The following PPP1R16B variants were observed in gnomAD, a reference collection of about 807,000 sequenced individuals.
PPP1R16B encodes the protein protein phosphatase 1 regulatory inhibitor subunit 16B.
In PPP1R16B, 14 loss-of-function variants were observed where a neutral mutation model predicts 61.7. The observed-to-expected ratio is 0.23, with a 90% CI of 0.15 to 0.35. The LOEUF (loss-of-function observed/expected upper bound fraction) is 0.35. Among genes scored for constraint, PPP1R16B ranks in the 10% least tolerant of loss-of-function variants. PPP1R16B has a pLI of 1.00. For synonymous variants in PPP1R16B, 266 were observed against 305.3 expected (o/e 0.87, Z 1.34); for missense variants, 547 against 752.5 (o/e 0.73, Z 3.19).
intron 4 of PPP1R16B, among the ~76,000 whole-genome samples, chr20:38,898,985 G>A (rs1468760626): frequency 1.3e-5 from 2 of 152,188 alleles, no homozygotes; most frequent in African/African-American, 2.4e-5. Flanking sequence ...AAAGCCAGGG[G>A]TTTTAAGTAC....
intron 2 of PPP1R16B, among the ~76,000 whole-genome samples, chr20:38,889,110 A>G (rs12624956): frequency 0.13 from 19,730 of 152,060 alleles, 1,434 homozygotes; most frequent in East Asian, 0.31. Flanking sequence ...CCTTCAAACC[A>G]CATGCTGGCC....
rs1056077327 is a variant in PPP1R16B at position 38,907,776 on chromosome 20, C to T, written c.899-30C>T. On this transcript the variant is annotated intron_variant, in intron 8 of 10. Coordinates refer to ENST00000299824, the MANE Select transcript of PPP1R16B (RefSeq NM_015568.4). This position sits in a 1 kb window ranked among gnomAD's most constrained non-coding sequence, Gnocchi z 4.5. Reference sequence around the variant, plus strand: ...CTTGCGCCACAGGTCCTGGCCCCGTCCCCCACAACAGACTCCTCTGCCCCT... The same window carrying T: ...CTTGCGCCACAGGTCCTGGCCCCGTTCCCCACAACAGACTCCTCTGCCCCT... The T allele has an allele frequency of 6.2e-7, 1 of 1,612,794 alleles. No individual in the cohort carries two copies. The highest frequency in any genetic ancestry group is 8.5e-7 in the Non-Finnish European group (1 of 1,179,454).
At chr20:38,813,673 C>T (rs2084715900) in intron 1 of PPP1R16B, among the ~76,000 whole-genome samples, 1 of 152,094 alleles carries the variant, frequency 6.6e-6, no homozygotes, top group African/African-American at 2.4e-5. Flanking sequence ...TAATATTCAT[C>T]ATAATCACTT....
intron 2 of PPP1R16B, among the ~76,000 whole-genome samples, chr20:38,867,381 G>A (rs1237414701): frequency 1.3e-5 from 2 of 152,214 alleles, no homozygotes; most frequent in African/African-American, 4.8e-5. Context: ...AGTCACCAGG[G>A]TCCATGGTTC....
At position 38,869,866 on chromosome 20, in the gene PPP1R16B, G is replaced by A. The variant is rs190449174; in HGVS notation, c.251-19729G>A. Among the ~76,000 whole-genome samples, 349 of 151,246 alleles carry A rather than the reference G, an allele frequency of 2.3e-3. 4 individuals are homozygous for A. The highest frequency in any genetic ancestry group is 1.1e-3 in the Non-Finnish European group (77 of 67,892). On this transcript the variant is annotated intron_variant, in intron 2 of 10. Transcript: ENST00000299824. ...ATCCCTGCCCCACCCCCATCCCGCT[G>A]CCACATAAAGATGGACCTGTCTGCC...
In PPP1R16B at chr20:38,918,135, ATGT is replaced by A. The variant is rs780484759; in HGVS notation, c.1195-18_1195-16del. 8.5e-5 allele frequency: 137 copies of A among 1,610,650 alleles called. No homozygotes were observed. The highest frequency in any genetic ancestry group is 2.7e-5 in the Non-Finnish European group (32 of 1,177,338). ...GTTCAGATCTTCCAGCCAGCTGGTA[ATGT>A]TGTCCTTCTCACTCGCAGAACCCCA... On this transcript the variant is annotated intron_variant, in intron 10 of 10. Coordinates refer to ENST00000299824, the MANE Select transcript of PPP1R16B (RefSeq NM_015568.4). The surrounding 1 kb of genome is among the most constrained non-coding windows in gnomAD (Gnocchi z 5.3).
At chr20:38,811,716 T>C (rs2084701822) in intron 1 of PPP1R16B, among the ~76,000 whole-genome samples, 1 of 152,246 alleles carries the variant, frequency 6.6e-6, no homozygotes, top group Non-Finnish European at 1.5e-5. Context: ...AAGACGTTTT[T>C]GGTTGTTACA....
At position 38,908,208 on chromosome 20, in the gene PPP1R16B, G is replaced by A. The variant is rs754418915; in HGVS notation, c.1194+15G>A. On this transcript the variant is annotated intron_variant, in intron 10 of 10. Coordinates refer to ENST00000299824, the MANE Select transcript of PPP1R16B (RefSeq NM_015568.4). The stretch of plus-strand genomic sequence containing the variant: ...ATAAGGACCCTGTGAGTGGCCTCAC[G>A]CCCTGCCCTAGTGTCAGCCACTGCA... 1.3e-5 allele frequency: 21 copies of A among 1,613,836 alleles called. No homozygotes were observed. The East Asian group carries it at 2.9e-4, about 22-fold the overall frequency.
At position 38,889,369 on chromosome 20, in the gene PPP1R16B, G is replaced by A. The variant is rs62201385; in HGVS notation, c.251-226G>A. Among the ~76,000 whole-genome samples the A allele has an allele frequency of 5.6e-3, 847 of 152,290 alleles. 6 individuals are homozygous for A. The highest frequency in any genetic ancestry group is 0.019 in the African/African-American group (787 of 41,554). On this transcript the variant is annotated intron_variant, in intron 2 of 10. Transcript: ENST00000299824. The stretch of plus-strand genomic sequence containing the variant: ...TTGCTTAGCTCAGTGCCTGGCATCC[G>A]GGAAGTGCTAAATAATTGTTAGTTC...
chr20:38,888,883 AC>A (rs1183475576), intron 2 of PPP1R16B, among the ~76,000 whole-genome samples: 1 of 108,344 alleles, frequency 9.2e-6, no homozygotes, highest in Admixed American at 1.1e-4. Context: ...CTGAACACAC[AC>A]ACACACACAC....
intron 3 of PPP1R16B, among the ~76,000 whole-genome samples, chr20:38,891,684 C>G (rs1012547027): frequency 2.4e-4 from 36 of 151,920 alleles, no homozygotes; most frequent in Non-Finnish European, 1.0e-4. Flanking sequence ...GTCTCTAATC[C>G]CAGCTACTAG....
chr20:38,870,402 T>C (rs532826470), intron 2 of PPP1R16B, among the ~76,000 whole-genome samples: 1 of 151,956 alleles, frequency 6.6e-6, no homozygotes, highest in South Asian at 2.1e-4. Flanking sequence ...TGTGAAGGAG[T>C]AAGCAAGGTG....
chr20:38,838,142 C>G (rs750722965), intron 2 of PPP1R16B: 1 of 152,318 alleles, frequency 6.6e-6, no homozygotes, highest in Non-Finnish European at 1.5e-5. Context: ...GATGTAACCA[C>G]AGCCCCCTTC....
chr20:38,903,061 G>T (rs999227831), intron 6 of PPP1R16B, among the ~76,000 whole-genome samples: 1 of 152,190 alleles, frequency 6.6e-6, no homozygotes, highest in African/African-American at 2.4e-5. Context: ...GATCACTTGA[G>T]CCTGGGAGTT....
intron 2 of PPP1R16B, among the ~76,000 whole-genome samples, chr20:38,860,981 G>C (rs1221873714): frequency 6.6e-6 from 1 of 152,122 alleles, no homozygotes; most frequent in Non-Finnish European, 1.5e-5. Flanking sequence ...GGGAGTATCC[G>C]TGTTCTCCTC....
chr20:38,884,224 G>A (rs893268897), intron 2 of PPP1R16B, among the ~76,000 whole-genome samples: 3 of 152,232 alleles, frequency 2.0e-5, no homozygotes, highest in Non-Finnish European at 4.4e-5. Context: ...GCGTGGCTGA[G>A]CAGGCTGCAC....
At chr20:38,902,637 T>A in intron 5 of PPP1R16B, 31 bp from the exon 6 acceptor site, 3 of 1,613,436 alleles carry the variant, frequency 1.9e-6, no homozygotes, top group Non-Finnish European at 2.5e-6. Flanking sequence ...GGCCTGAGGG[T>A]GCTAAATAAA....
In PPP1R16B at chr20:38,846,941, G is replaced by A. The variant is rs372404080; in HGVS notation, c.250+10766G>A. ...GAACTTTTGAGCCCAGGAGGTCAAG[G>A]TTGTAAGCTGTGATTGTGCCACTGC... On this transcript the variant is annotated intron_variant, in intron 2 of 10. Transcript: ENST00000299824. Among the ~76,000 whole-genome samples, 34 of 152,288 alleles carry A rather than the reference G, an allele frequency of 2.2e-4. No individual in the cohort carries two copies. In the South Asian group the frequency reaches 2.3e-3, roughly 10 times the overall value.
At chr20:38,824,002 C>G (rs942558085) in intron 1 of PPP1R16B, among the ~76,000 whole-genome samples, 1 of 152,032 alleles carries the variant, frequency 6.6e-6, no homozygotes, top group Non-Finnish European at 1.5e-5. Flanking sequence ...AAACAGATGC[C>G]AGACTAATCA....
Sources: allele counts gnomAD v4.1 joint callset (sites outside exome capture counted in the v4.1 genomes callset), GRCh38; gene constraint gnomAD v4.1.1; non-coding constraint Gnocchi (gnomAD v3.1); transcripts MANE v1.5; gene names NCBI Gene and HGNC (gene_info 2026-07-23, HGNC 2026-07-21).